Variants in KIAA1549L observed in about 807,000 individuals in gnomAD.
The protein encoded by KIAA1549L is KIAA1549 like, also known as UPF0606 protein KIAA1549L.
In KIAA1549L, 88 loss-of-function variants were observed where a neutral mutation model predicts 160.7. The observed-to-expected ratio is 0.55, with a 90% CI of 0.46 to 0.65. KIAA1549L has a LOEUF of 0.65. Among genes scored for constraint, KIAA1549L ranks in the 30% least tolerant of loss-of-function variants. The probability of loss-of-function intolerance (pLI) is 0.00; values close to 1 mark genes in which losing one functional copy is unlikely to be tolerated. For synonymous variants in KIAA1549L, 950 were observed against 976.7 expected (o/e 0.97, Z 0.51); for missense variants, 2,258 against 2,437.5 (o/e 0.93, Z 1.55).
chr11:33,588,592 C>A (rs780318511), intron 11 of KIAA1549L, among the ~76,000 whole-genome samples: 2 of 152,076 alleles, frequency 1.3e-5, no homozygotes, highest in African/African-American at 4.8e-5. Context: ...ACATTTCAGA[C>A]GTTGAATCTA....
chr11:33,566,236 A>T (rs1855044991), intron 8 of KIAA1549L, among the ~76,000 whole-genome samples: 1 of 151,864 alleles, frequency 6.6e-6, no homozygotes, highest in African/African-American at 2.4e-5. Context: ...ATAATCCCTG[A>T]TGACACCTCT....
rs1383128245 is a variant in KIAA1549L, at chr11:33,559,197, C to T, written c.3856-552C>T. ...TGCCCGTGACCAGACTGGTTTTCAG[C>T]TCTGTTGGCTCCTGGTCCTTTCAAC... On this transcript the variant is annotated intron_variant, in intron 6 of 20. Transcript: ENST00000658780. Among the ~76,000 whole-genome samples, 5 of 152,274 alleles carry T rather than the reference C, an allele frequency of 3.3e-5. No individual in the cohort carries two copies. In the Middle Eastern group the frequency reaches 0.01, roughly 311 times the overall value.
intron 1 of KIAA1549L, among the ~76,000 whole-genome samples, chr11:33,379,068 G>A (rs193195231): frequency 9.9e-5 from 15 of 152,232 alleles, no homozygotes; most frequent in East Asian, 9.6e-4. Context: ...GAATGCGTCC[G>A]ACCCTGAGAT....
intron 4 of KIAA1549L, among the ~76,000 whole-genome samples, chr11:33,548,285 G>A (rs1854333475): frequency 6.6e-6 from 1 of 152,102 alleles, no homozygotes; most frequent in South Asian, 2.1e-4. Context: ...TGTAATCCCA[G>A]CTACTCGGGA....
At chr11:33,587,714 A>C (rs1367517728) in intron 11 of KIAA1549L, among the ~76,000 whole-genome samples, 4 of 152,218 alleles carry the variant, frequency 2.6e-5, no homozygotes, top group Admixed American at 6.5e-5. Context: ...CACCTGAAGT[A>C]TCCAGTGGAT....
intron 1 of KIAA1549L, among the ~76,000 whole-genome samples, chr11:33,461,861 G>A (rs1851949000): frequency 6.6e-6 from 1 of 152,200 alleles, no homozygotes; most frequent in Admixed American, 6.5e-5. Flanking sequence ...AGCTAGTGAG[G>A]ATTAGAGCTG....
intron 1 of KIAA1549L, among the ~76,000 whole-genome samples, chr11:33,490,507 T>G (rs1852633334): frequency 6.6e-6 from 1 of 152,042 alleles, no homozygotes; most frequent in South Asian, 2.1e-4. Flanking sequence ...GCATTTTTAG[T>G]AGAGATGAGG....
Position 33,470,321 on chromosome 11 carries a change from C to T in KIAA1549L, c.239-71481C>T, listed in dbSNP as rs1011157913. ...GTGTTCTTGTTGAAAATCAATTGAC[C>T]GTAAATGTAAGGGTTTACTTTTGGA... On this transcript the variant is annotated intron_variant, in intron 1 of 20. Coordinates refer to ENST00000658780, the MANE Select transcript of KIAA1549L (RefSeq NM_012194.3). Among the ~76,000 whole-genome samples, 28 of 152,120 alleles carry T rather than the reference C, an allele frequency of 1.8e-4. No individual in the cohort carries two copies. In the East Asian group the frequency reaches 3.7e-3, roughly 20 times the overall value.
Position 33,629,820 on chromosome 11 carries a change from G to A in KIAA1549L, c.5409+11158G>A, listed in dbSNP as rs923799436. Among the ~76,000 whole-genome samples, 96 of 149,990 alleles carry A rather than the reference G, an allele frequency of 6.4e-4. 3 individuals are homozygous for A. Among genetic ancestry groups the A allele is most frequent in the Middle Eastern group, 3.4e-3 (1 of 294 alleles). ...GTCATTCTCCGTCCAGCTTTGTTCC[G>A]TTGCTGGTGAGGAACTGCGTTCCTT... On this transcript the variant is annotated intron_variant, in intron 16 of 20. Coordinates refer to ENST00000658780, the MANE Select transcript of KIAA1549L (RefSeq NM_012194.3).
At chr11:33,469,322 A>T (rs558342596) in intron 1 of KIAA1549L, among the ~76,000 whole-genome samples, 2 of 151,964 alleles carry the variant, frequency 1.3e-5, no homozygotes, top group Non-Finnish European at 2.9e-5. Context: ...ACATGGCATG[A>T]TGTTTTCCAG....
At chr11:33,572,589 CAG>C (rs1855300400) in intron 9 of KIAA1549L, among the ~76,000 whole-genome samples, 2 of 152,268 alleles carry the variant, frequency 1.3e-5, no homozygotes, top group South Asian at 4.1e-4. Context: ...TTTTTTGACA[CAG>C]TGTATTGTTT....
intron 12 of KIAA1549L, among the ~76,000 whole-genome samples, chr11:33,598,208 G>GTT: frequency 7.0e-6 from 1 of 143,868 alleles, no homozygotes; most frequent in African/African-American, 2.5e-5. Flanking sequence ...GTGTGTGTGT[G>GTT]TGTGTGTGTG....
chr11:33,481,838 G>A (rs996187684), intron 1 of KIAA1549L, among the ~76,000 whole-genome samples: 1 of 152,202 alleles, frequency 6.6e-6, no homozygotes, highest in African/African-American at 2.4e-5. Flanking sequence ...CATTGGACAT[G>A]TTTGCATCTC....
At chr11:33,408,487 GTGTATATATATATATATATATATACACA>G (rs1475275074) in intron 1 of KIAA1549L, among the ~76,000 whole-genome samples, 1 of 107,088 alleles carries the variant, frequency 9.3e-6, no homozygotes, top group Non-Finnish European at 1.8e-5. Context: ...CTCTGTATAT[GTGTATATATATATATATATATATACACA>G]TGTATATATG....
intron 1 of KIAA1549L, among the ~76,000 whole-genome samples, chr11:33,538,522 C>G (rs1853943709): frequency 6.6e-6 from 1 of 152,100 alleles, no homozygotes; most frequent in South Asian, 2.1e-4. Context: ...TCCCAGCTGA[C>G]CAGGTATGCG....
At chr11:33,461,371 A>G (rs1044595642) in intron 1 of KIAA1549L, among the ~76,000 whole-genome samples, 3 of 152,180 alleles carry the variant, frequency 2.0e-5, no homozygotes, top group Admixed American at 6.5e-5. Flanking sequence ...AACCGGGGAC[A>G]CAGAGGTTAA....
intron 15 of KIAA1549L, among the ~76,000 whole-genome samples, chr11:33,614,584 A>ATATTTTTTTTTT (rs1850757615): frequency 2.0e-4 from 1 of 5,116 alleles, no homozygotes; most frequent in Admixed American, 4.7e-3. Context: ...ATATATATAT[A>ATATTTTTTTTTT]TTTTTTTTTT....
At chr11:33,562,639 A>G (rs1854902811) in intron 8 of KIAA1549L, among the ~76,000 whole-genome samples, 1 of 149,650 alleles carries the variant, frequency 6.7e-6, no homozygotes, top group Non-Finnish European at 1.5e-5. Context: ...ATATTGAATT[A>G]GGGCTCCCCA....
chr11:33,498,061 G>A (rs540670467), intron 1 of KIAA1549L, among the ~76,000 whole-genome samples: 2 of 152,282 alleles, frequency 1.3e-5, no homozygotes, highest in Admixed American at 1.3e-4. Context: ...GCCTGAGGAG[G>A]GAAGATTGCT....
Sources: allele counts gnomAD v4.1 joint callset (sites outside exome capture counted in the v4.1 genomes callset), GRCh38; gene constraint gnomAD v4.1.1; transcripts MANE v1.5; gene names NCBI Gene and HGNC (gene_info 2026-07-23, HGNC 2026-07-21).